Variants in EPB41L2 observed in about 807,000 individuals in gnomAD.
The protein encoded by EPB41L2 is band 4.1-like protein 2.
A neutral mutation model predicts 113.0 loss-of-function variants in EPB41L2; 43 were observed. The ratio of observed to expected loss-of-function variants is 0.38; its 90% CI spans 0.30 to 0.49. EPB41L2 has a LOEUF of 0.49. Ranked by LOEUF, EPB41L2 falls within the 20% of genes least tolerant of loss-of-function variation. The probability of loss-of-function intolerance (pLI) is 0.95; values close to 1 mark genes in which losing one functional copy is unlikely to be tolerated. For synonymous variants in EPB41L2, 442 were observed against 436.7 expected (o/e 1.01, Z -0.15); for missense variants, 1,147 against 1,223.4 (o/e 0.94, Z 0.93).
chr6:130,951,766 G>A (rs1212888043), intron 3 of EPB41L2, among the ~76,000 whole-genome samples: 1 of 151,918 alleles, frequency 6.6e-6, no homozygotes, highest in East Asian at 1.9e-4. Context: ...CCTTGGCCAT[G>A]AGACTTAATT....
intron 1 of EPB41L2, among the ~76,000 whole-genome samples, chr6:130,974,109 C>T (rs776837321): frequency 3.3e-5 from 5 of 152,060 alleles, no homozygotes; most frequent in African/African-American, 4.8e-5. Context: ...TTAAATCTAA[C>T]CCACAATGTG....
intron 3 of EPB41L2, among the ~76,000 whole-genome samples, chr6:130,951,312 CT>C (rs34082234): frequency 9.2e-3 from 468 of 50,820 alleles, no homozygotes; most frequent in African/African-American, 0.015. Context: ...AGCCTCAGTA[CT>C]TTTTTTTTTT....
intron 12 of EPB41L2, among the ~76,000 whole-genome samples, chr6:130,884,351 AT>A (rs1308689402): frequency 5.3e-5 from 8 of 152,318 alleles, no homozygotes; most frequent in Non-Finnish European, 8.8e-5. Flanking sequence ...AATAAAAAAA[AT>A]AAAATAGAAA....
At chr6:130,845,842 C>T (rs539890265) in intron 19 of EPB41L2, among the ~76,000 whole-genome samples, 15 of 152,286 alleles carry the variant, frequency 9.8e-5, no homozygotes, top group South Asian at 4.1e-4. Flanking sequence ...AGTATGCACA[C>T]GCCATTCCCG....
intron 1 of EPB41L2, among the ~76,000 whole-genome samples, chr6:131,007,469 G>T (rs1428679819): frequency 2.0e-5 from 3 of 152,184 alleles, no homozygotes; most frequent in African/African-American, 7.2e-5. Flanking sequence ...GGTACCGGGA[G>T]TGGGGTGCCG....
chr6:131,044,594 G>T (rs1795073153), intron 1 of EPB41L2, among the ~76,000 whole-genome samples: 1 of 152,076 alleles, frequency 6.6e-6, no homozygotes, highest in Non-Finnish European at 1.5e-5. Context: ...ATACCCCGGT[G>T]GTCACAAAGC....
chr6:130,991,847 T>G (rs1266502190), intron 1 of EPB41L2, among the ~76,000 whole-genome samples: 1 of 152,134 alleles, frequency 6.6e-6, no homozygotes, highest in African/African-American at 2.4e-5. Flanking sequence ...TAAAAAAATA[T>G]TTTTTCAAGC....
rs1799199825 is a variant in EPB41L2, at chr6:130,910,949, TTGTGGAAGACGG to T, written c.811-2098_811-2087del. On this transcript the variant is annotated intron_variant, in intron 4 of 19. Transcript: ENST00000337057. Reference sequence around the variant, plus strand: ...GTGGGAGTGTAAATTAGTTCAACCATTGTGGAAGACGGTGTGGTGATTCCTCAAGGCTCTAGA... The same window carrying T: ...GTGGGAGTGTAAATTAGTTCAACCATTGTGGTGATTCCTCAAGGCTCTAGA... Among the ~76,000 whole-genome samples the T allele has an allele frequency of 9.2e-5, 14 of 152,270 alleles. No homozygotes were observed. In the South Asian group the frequency reaches 2.9e-3, roughly 32 times the overall value.
At chr6:131,004,429 C>G (rs2128716889) in intron 1 of EPB41L2, among the ~76,000 whole-genome samples, 1 of 152,328 alleles carries the variant, frequency 6.6e-6, no homozygotes, top group African/African-American at 2.4e-5. Context: ...ATCATTTTCT[C>G]TCTTCACAGA....
At chr6:130,965,394 G>A (rs1484079041) in intron 1 of EPB41L2, among the ~76,000 whole-genome samples, 1 of 151,890 alleles carries the variant, frequency 6.6e-6, no homozygotes, top group African/African-American at 2.4e-5. Context: ...GGAAATACTG[G>A]TTAAACACTC....
intron 15 of EPB41L2, chr6:130,867,935 G>A (rs1784334657): frequency 4.3e-6 from 1 of 234,568 alleles, no homozygotes; most frequent in South Asian, 3.5e-5. Context: ...CTAGTGTATA[G>A]TGACACACAC....
At chr6:131,057,739 C>A (rs929563975) in intron 1 of EPB41L2, among the ~76,000 whole-genome samples, 3 of 152,120 alleles carry the variant, frequency 2.0e-5, no homozygotes, top group African/African-American at 7.2e-5. Flanking sequence ...TTTGAAAATT[C>A]TTTCATGAAG....
chr6:130,918,582 T>A (rs1342145714), intron 4 of EPB41L2, among the ~76,000 whole-genome samples: 1 of 152,146 alleles, frequency 6.6e-6, no homozygotes, highest in Non-Finnish European at 1.5e-5. Context: ...TAAAAAAGCT[T>A]TAACACTAAC....
intron 4 of EPB41L2, among the ~76,000 whole-genome samples, chr6:130,918,171 T>C (rs1801718665): frequency 6.6e-6 from 1 of 152,214 alleles, no homozygotes; most frequent in African/African-American, 2.4e-5. Flanking sequence ...TAGAACTTTA[T>C]TAAAGAATAG....
At chr6:131,019,413 T>C (rs1367587674) in intron 1 of EPB41L2, among the ~76,000 whole-genome samples, 1 of 152,198 alleles carries the variant, frequency 6.6e-6, no homozygotes, top group Non-Finnish European at 1.5e-5. Context: ...ATCATTTCTA[T>C]TCTTGTCATA....
intron 5 of EPB41L2, among the ~76,000 whole-genome samples, chr6:130,905,119 G>A (rs905349737): frequency 2.0e-5 from 3 of 152,092 alleles, no homozygotes; most frequent in African/African-American, 4.8e-5. Context: ...TAGAGTAGGT[G>A]TAAGTATATT....
chr6:130,867,752 T>G lies in EPB41L2; in HGVS notation c.2608-171A>C, dbSNP rs1303594468. ...AAACAAAAGAAATAAAAGAAAAATT[T>G]TCCTTCAAATATATCATATATACAC... On this transcript the variant is annotated intron_variant, in intron 15 of 19. Coordinates refer to ENST00000337057, the MANE Select transcript of EPB41L2 (RefSeq NM_001431.4). The G allele has an allele frequency of 5.3e-6, 4 of 759,424 alleles. No homozygotes were observed. The African/African-American group carries it at 5.3e-5, about 10-fold the overall frequency. The allele number at this position is 759,424 out of a possible 1,614,324, so 47.0% of individuals were successfully genotyped here. A position where few individuals can be genotyped will look rare whatever the true frequency, so the allele number is the denominator to read the frequency against.
intron 3 of EPB41L2, among the ~76,000 whole-genome samples, chr6:130,941,387 C>T (rs894205619): frequency 5.9e-5 from 9 of 152,132 alleles, no homozygotes; most frequent in African/African-American, 2.2e-4. Context: ...AGGCTAGTAT[C>T]GAACTTCTAG....
intron 1 of EPB41L2, among the ~76,000 whole-genome samples, chr6:131,026,969 T>C (rs984276564): frequency 1.3e-5 from 2 of 152,188 alleles, no homozygotes; most frequent in African/African-American, 4.8e-5. Flanking sequence ...TAATACATGT[T>C]ACTGGTCTAA....
Sources: gnomAD v4.1 joint callset for allele counts (sites outside exome capture counted in the v4.1 genomes callset) on GRCh38, gnomAD v4.1.1 for gene constraint, MANE v1.5 for transcripts, NCBI Gene and HGNC (gene_info 2026-07-23, HGNC 2026-07-21) for gene names.